The following SUGCT variants were observed in gnomAD, a reference collection of about 807,000 sequenced individuals.
SUGCT encodes the protein succinyl-CoA:glutarate CoA-transferase.
A neutral mutation model predicts 55.0 loss-of-function variants in SUGCT; 41 were observed. The observed-to-expected ratio is 0.74, with a 90% CI of 0.58 to 0.97. The LOEUF is 0.97. Among genes scored for constraint, SUGCT ranks in the 50% least tolerant of loss-of-function variants. The pLI, the probability that SUGCT is intolerant of heterozygous loss-of-function variation, is 0.00. For missense variants in SUGCT, 568 were observed against 547.8 expected, an observed-to-expected ratio of 1.04 and a Z score of -0.37; for synonymous variants, 187 against 200.4, an observed-to-expected ratio of 0.93 and a Z score of 0.56.
At chr7:40,212,212 G>A (rs1373344274) in intron 6 of SUGCT, among the ~76,000 whole-genome samples, 1 of 150,840 alleles carries the variant, frequency 6.6e-6, no homozygotes, top group Non-Finnish European at 1.5e-5. Context: ...GGTCTCCCAA[G>A]TTTGTCAATT....
intron 11 of SUGCT, among the ~76,000 whole-genome samples, chr7:40,460,859 AC>A: frequency 6.6e-6 from 1 of 152,288 alleles, no homozygotes; most frequent in East Asian, 1.9e-4. Context: ...TTTTATTCAG[AC>A]TTAACAATAA....
chr7:40,834,611 T>C lies in SUGCT; in HGVS notation c.1154-25705T>C, dbSNP rs567025429. Among the ~76,000 whole-genome samples the C allele has an allele frequency of 2.6e-5, 4 of 152,296 alleles. No individual in the cohort carries two copies. In the South Asian group the frequency reaches 8.3e-4, roughly 32 times the overall value. On this transcript the variant is annotated intron_variant, in intron 13 of 13. Transcript: ENST00000335693. ...AGACTAAGGAAAAAGATAAACCTCC[T>C]ATATTCTGCGCACCTGGAACATGGC...
intron 11 of SUGCT, among the ~76,000 whole-genome samples, chr7:40,490,451 A>C (rs563039970): frequency 5.8e-4 from 88 of 152,250 alleles, no homozygotes; most frequent in Admixed American, 3.1e-3. Flanking sequence ...AGAAATTGTG[A>C]ATGTAGGGCA....
intron 13 of SUGCT, among the ~76,000 whole-genome samples, chr7:40,762,810 CTCTT>C (rs959905977): frequency 4.6e-5 from 7 of 150,902 alleles, no homozygotes; most frequent in Non-Finnish European, 8.9e-5. Context: ...TAAAACAACT[CTCTT>C]TTTTTTTTTT....
intron 13 of SUGCT, among the ~76,000 whole-genome samples, chr7:40,753,983 A>C (rs1216303906): frequency 6.6e-6 from 1 of 152,210 alleles, no homozygotes; most frequent in Non-Finnish European, 1.5e-5. Flanking sequence ...CTTTCATATG[A>C]GTCTCTATCA....
the SUGCT span, among the ~76,000 whole-genome samples, chr7:40,983,443 C>T: frequency 1.3e-5 from 2 of 152,186 alleles, no homozygotes; most frequent in South Asian, 4.1e-4. Context: ...ATATTTTCCT[C>T]CAACTTAAAA....
At chr7:40,999,516 G>A in the SUGCT span, among the ~76,000 whole-genome samples, 1 of 152,160 alleles carries the variant, frequency 6.6e-6, no homozygotes, top group African/African-American at 2.4e-5. Context: ...ATGACTTCGT[G>A]TTTGCAAAGC....
chr7:40,957,569 C>T, the SUGCT span, among the ~76,000 whole-genome samples: 1 of 150,520 alleles, frequency 6.6e-6, no homozygotes, highest in Non-Finnish European at 1.5e-5. Flanking sequence ...CTGAATACAG[C>T]ACACTGATGG....
intron 12 of SUGCT, among the ~76,000 whole-genome samples, chr7:40,707,245 T>TC (rs1386498729): frequency 5.7e-4 from 81 of 141,122 alleles, no homozygotes; most frequent in Non-Finnish European, 8.1e-4. Flanking sequence ...TTTTTTTTTT[T>TC]TTTTAAAAAG....
intron 9 of SUGCT, among the ~76,000 whole-genome samples, chr7:40,370,781 ACTT>A (rs994663705): frequency 2.0e-5 from 3 of 151,950 alleles, no homozygotes; most frequent in African/African-American, 7.2e-5. Flanking sequence ...TTTACATATT[ACTT>A]CTTAGTAAGA....
intron 9 of SUGCT, among the ~76,000 whole-genome samples, chr7:40,327,952 G>A (rs1796101234): frequency 6.6e-6 from 1 of 152,164 alleles, no homozygotes; most frequent in Non-Finnish European, 1.5e-5. Flanking sequence ...GAGGCATAGA[G>A]AGTTTAGATA....
chr7:40,179,527 C>T (rs1194250592), intron 1 of SUGCT, among the ~76,000 whole-genome samples: 1 of 152,214 alleles, frequency 6.6e-6, no homozygotes, highest in African/African-American at 2.4e-5. Context: ...AGGTGATCTG[C>T]CCGCCTCGGC....
chr7:40,523,474 T>G (rs1028887958), intron 12 of SUGCT, among the ~76,000 whole-genome samples: 7 of 152,152 alleles, frequency 4.6e-5, no homozygotes, highest in African/African-American at 1.7e-4. Flanking sequence ...GATGAGTGTC[T>G]GATTTTATTA....
chr7:40,586,453 C>A (rs542731274), intron 12 of SUGCT, among the ~76,000 whole-genome samples: 73 of 152,218 alleles, frequency 4.8e-4, no homozygotes, highest in African/African-American at 1.7e-3. Context: ...TGCAGAATGG[C>A]AATCTAAATG....
At chr7:40,568,115 A>G (rs1050595111) in intron 12 of SUGCT, among the ~76,000 whole-genome samples, 45 of 152,192 alleles carry the variant, frequency 3.0e-4, no homozygotes, top group Non-Finnish European at 5.1e-4. Context: ...GCAAGAACCT[A>G]AGTTCTGCAT....
chr7:40,901,545 T>C, the SUGCT span, among the ~76,000 whole-genome samples: 11 of 152,164 alleles, frequency 7.2e-5, no homozygotes, highest in Admixed American at 7.2e-4. Context: ...TTCTGCAAGC[T>C]CAGGCCTCAC....
the SUGCT span, among the ~76,000 whole-genome samples, chr7:40,973,500 T>A: frequency 6.6e-6 from 1 of 152,116 alleles, no homozygotes; most frequent in African/African-American, 2.4e-5. Flanking sequence ...TATAGGAAAA[T>A]CTAGGGGAAG....
At chr7:40,627,340 T>G (rs1799569672) in intron 12 of SUGCT, among the ~76,000 whole-genome samples, 1 of 152,208 alleles carries the variant, frequency 6.6e-6, no homozygotes, top group Non-Finnish European at 1.5e-5. Context: ...CTGCTAGAGC[T>G]TTCCTATTGG....
chr7:40,263,068 G>A (rs1791331990), intron 7 of SUGCT, among the ~76,000 whole-genome samples: 1 of 152,156 alleles, frequency 6.6e-6, no homozygotes, highest in South Asian at 2.1e-4. Flanking sequence ...GATCACAGGT[G>A]CGTGCCACCA....
Sources: gnomAD v4.1 joint callset for allele counts (sites outside exome capture counted in the v4.1 genomes callset) on GRCh38, gnomAD v4.1.1 for gene constraint, MANE v1.5 for transcripts, NCBI Gene and HGNC (gene_info 2026-07-23, HGNC 2026-07-21) for gene names.